Variants in OSBP2 observed in about 807,000 individuals in gnomAD.
OSBP2 encodes oxysterol binding protein 2, also known as oxysterol-binding protein 2.
A neutral mutation model predicts 96.0 loss-of-function variants in OSBP2; 66 were observed. The observed-to-expected ratio is 0.69, with a 90% CI of 0.56 to 0.84. The LOEUF (loss-of-function observed/expected upper bound fraction) is 0.84, where lower values mean the gene tolerates loss of function less well. Ranked by LOEUF, OSBP2 falls within the 40% of genes least tolerant of loss-of-function variation. The pLI, the probability that OSBP2 is intolerant of heterozygous loss-of-function variation, is 0.00. For missense variants in OSBP2, 1,038 were observed against 1,222.7 expected, an observed-to-expected ratio of 0.85 and a Z score of 2.25; for synonymous variants, 525 against 520.9, an observed-to-expected ratio of 1.01 and a Z score of -0.11.
chr22:30,894,083 G>A (rs1423952322), intron 12 of OSBP2, 82 bp downstream of exon 12: 1 of 1,262,776 alleles, frequency 7.9e-7, no homozygotes, highest in African/African-American at 1.5e-5. Flanking sequence ...GACAGGCACA[G>A]GAGGTCGGGA....
intron 2 of OSBP2, among the ~76,000 whole-genome samples, chr22:30,852,159 T>C (rs1327805529): frequency 6.6e-6 from 1 of 152,180 alleles, no homozygotes; most frequent in Non-Finnish European, 1.5e-5. Flanking sequence ...TTGCTTTCAG[T>C]GTGATATTGG....
chr22:30,811,555 G>GTTTA, intron 2 of OSBP2, among the ~76,000 whole-genome samples: 1 of 150,926 alleles, frequency 6.6e-6, no homozygotes, highest in Non-Finnish European at 1.5e-5. Flanking sequence ...TTATTTGTTT[G>GTTTA]TTTATTTATT....
intron 2 of OSBP2, among the ~76,000 whole-genome samples, chr22:30,783,426 C>T (rs1049071467): frequency 1.4e-5 from 2 of 143,728 alleles, no homozygotes; most frequent in African/African-American, 2.6e-5. Context: ...TGGGTTCAAG[C>T]GATTCTCCTG....
At chr22:30,778,200 G>T (rs1243788194) in intron 2 of OSBP2, among the ~76,000 whole-genome samples, 3 of 80,762 alleles carry the variant, frequency 3.7e-5, no homozygotes, top group African/African-American at 8.1e-5. Context: ...TAGTAGAGAT[G>T]GGGTTTCAAC....
rs547641337 is a variant in OSBP2 at position 30,836,534 on chromosome 22, T to C, written c.854-33895T>C. On this transcript the variant is annotated intron_variant, in intron 2 of 13. Coordinates refer to ENST00000332585, the MANE Select transcript of OSBP2 (RefSeq NM_030758.4). ...TTGCCTGGCAAAAGGAAGACACATT[T>C]TCATTGTAACCCCCTGAATATAATG... 3.3e-5 allele frequency among the ~76,000 whole-genome samples: 5 copies of C among 152,344 alleles called. No homozygotes were observed. The South Asian group carries it at 1.0e-3, about 32-fold the overall frequency.
chr22:30,858,210 A>C (rs376174913), intron 2 of OSBP2, among the ~76,000 whole-genome samples: 70 of 147,798 alleles, frequency 4.7e-4, no homozygotes, highest in Non-Finnish European at 8.9e-4. Flanking sequence ...GCAGTGGCGC[A>C]ATCTCGGCTC....
chr22:30,889,444 G>A (rs761204139), intron 6 of OSBP2, 46 bp from the exon 7 acceptor site: 18 of 1,609,814 alleles, frequency 1.1e-5, no homozygotes, highest in African/African-American at 2.7e-5. Flanking sequence ...CCAAGGGGGC[G>A]CTCTGGCCTC....
chr22:30,794,746 G>A (rs1297127933), intron 2 of OSBP2, among the ~76,000 whole-genome samples: 6 of 150,158 alleles, frequency 4.0e-5, no homozygotes, highest in African/African-American at 1.2e-4. Context: ...GCAGTGAGCC[G>A]AGATTGCATC....
intron 2 of OSBP2, among the ~76,000 whole-genome samples, chr22:30,768,967 G>A (rs572166174): frequency 2.5e-4 from 38 of 152,256 alleles, no homozygotes; most frequent in African/African-American, 8.9e-4. Flanking sequence ...GGTCCAGACC[G>A]GATGCCTGAC....
Position 30,902,281 on chromosome 22 carries a change from C to T in OSBP2, c.2376-3556C>T, listed in dbSNP as rs12158547. The T allele has an allele frequency of 2.3e-4, 367 of 1,590,148 alleles. No individual in the cohort carries two copies. The African/African-American group carries it at 4.4e-3, about 19-fold the overall frequency. On this transcript the variant is annotated intron_variant, in intron 12 of 13. Transcript: ENST00000332585. ...TGGTTCAGGGCGACATAGATGCTAT[C>T]TTTAAGGATCTCAGCATAAGGAGTG...
At chr22:30,715,436 G>C (rs2089434482) in intron 1 of OSBP2, among the ~76,000 whole-genome samples, 1 of 151,318 alleles carries the variant, frequency 6.6e-6, no homozygotes, top group Non-Finnish European at 1.5e-5. Flanking sequence ...GAGTGTAGTG[G>C]CATGATCATG....
chr22:30,848,590 A>G (rs1316173109), intron 2 of OSBP2, among the ~76,000 whole-genome samples: 3 of 152,294 alleles, frequency 2.0e-5, no homozygotes, highest in Admixed American at 6.5e-5. Flanking sequence ...TTTGCAGTCA[A>G]TATCCCCCAA....
intron 7 of OSBP2, among the ~76,000 whole-genome samples, chr22:30,889,846 G>C (rs2039904382): frequency 1.3e-5 from 2 of 152,212 alleles, no homozygotes; most frequent in African/African-American, 4.8e-5. Context: ...TCTGACAGGA[G>C]GAGCCAGGGA....
chr22:30,739,404 GC>G (rs2089903220), intron 1 of OSBP2, among the ~76,000 whole-genome samples: 1 of 152,220 alleles, frequency 6.6e-6, no homozygotes, highest in Admixed American at 6.5e-5. Flanking sequence ...CTCTACGTCT[GC>G]CCCCTCAGGC....
chr22:30,890,302 A>C lies in OSBP2; in HGVS notation c.1624-426A>C, dbSNP rs1250418396. ...ACACCGAGATAGGGGCCTTGGGCCTAACCCATCCTGTGCCGGGCCCCATCA... is the reference window on the plus strand; with the variant it reads ...ACACCGAGATAGGGGCCTTGGGCCTCACCCATCCTGTGCCGGGCCCCATCA... On this transcript the variant is annotated intron_variant, in intron 7 of 13. Coordinates refer to ENST00000332585, the MANE Select transcript of OSBP2 (RefSeq NM_030758.4). The surrounding 1 kb of genome is among the most constrained non-coding windows in gnomAD (Gnocchi z 4.4). Among the ~76,000 whole-genome samples, 1 of 151,200 alleles carries C rather than the reference A, an allele frequency of 6.6e-6. No homozygotes were observed. Among genetic ancestry groups the C allele is most frequent in the Non-Finnish European group, 1.5e-5 (1 of 67,794 alleles).
chr22:30,764,353 C>T, intron 2 of OSBP2: 1 of 985,364 alleles, frequency 1.0e-6, no homozygotes, highest in Non-Finnish European at 1.2e-6. Context: ...ACCTGGACAG[C>T]CTGCCACCCT....
At chr22:30,790,906 G>A (rs1299441793) in intron 2 of OSBP2, among the ~76,000 whole-genome samples, 2 of 152,258 alleles carry the variant, frequency 1.3e-5, no homozygotes, top group East Asian at 3.9e-4. Flanking sequence ...TCCTTGCTTG[G>A]AAGGATTTGG....
rs181489884 is a variant in OSBP2 at position 30,779,310 on chromosome 22, A to G, written c.853+37941A>G. ...GAGACAGGGTTTTGCCATGTTGGCC[A>G]GGCAGGTCTTGCACTCCTGACCTCA... On this transcript the variant is annotated intron_variant, in intron 2 of 13. Transcript: ENST00000332585. Among the ~76,000 whole-genome samples, 65 of 146,858 alleles carry G rather than the reference A, an allele frequency of 4.4e-4. No individual in the cohort carries two copies. The East Asian group carries it at 0.012, about 27-fold the overall frequency.
chr22:30,893,833 G>A lies in OSBP2; in HGVS notation c.2207G>A (p.Ser736Asn), dbSNP rs764983988. Reference protein sequence around the residue: ...EAARKVTGVVSDSQGKAHYVL... With the variant: ...EAARKVTGVVNDSQGKAHYVL... ...TGTCCACAGGTGACAGGAGTGGTGA[G>A]TGACAGCCAGGGCAAGGCCCATTAC... Residue 736 changes from serine to asparagine, a missense_variant, in exon 12 of 14, where the codon AGT becomes AAT. Ser to Asn is a conservative substitution (Grantham distance 46). Coordinates refer to ENST00000332585, the MANE Select transcript of OSBP2 (RefSeq NM_030758.4). 6.3e-7 allele frequency: 1 copy of A among 1,591,528 alleles called. No homozygotes were observed. Among genetic ancestry groups the A allele is most frequent in the Non-Finnish European group, 8.6e-7 (1 of 1,168,802 alleles).
Sources: gnomAD v4.1 joint callset for allele counts (sites outside exome capture counted in the v4.1 genomes callset) on GRCh38, gnomAD v4.1.1 for gene constraint, Gnocchi (gnomAD v3.1) non-coding constraint, MANE v1.5 for transcripts, NCBI Gene and HGNC (gene_info 2026-07-23, HGNC 2026-07-21) for gene names.